Variants in CDH17 observed in about 807,000 individuals in gnomAD.
The protein encoded by CDH17 is cadherin-17.
Under a neutral mutation model 86.3 loss-of-function variants are expected in CDH17, and 67 were observed. That is an observed-to-expected ratio of 0.78 (90% CI 0.64 to 0.95). The LOEUF (loss-of-function observed/expected upper bound fraction) is 0.95. Ranked by LOEUF, CDH17 falls within the 40% of genes least tolerant of loss-of-function variation. The probability of loss-of-function intolerance (pLI) is 0.00; values close to 1 mark genes in which losing one functional copy is unlikely to be tolerated. For synonymous variants in CDH17, 367 were observed against 366.4 expected, an observed-to-expected ratio of 1.00 and a Z score of -0.02; for missense variants, 993 against 1,017.6, an observed-to-expected ratio of 0.98 and a Z score of 0.33.
At chr8:94,169,867 G>T (rs1177489325) in intron 9 of CDH17, among the ~76,000 whole-genome samples, 1 of 152,172 alleles carries the variant, frequency 6.6e-6, no homozygotes, top group Non-Finnish European at 1.5e-5. Context: ...GATGGGATTT[G>T]ACTTCATCTA....
At chr8:94,205,259 G>A (rs1814003332) in intron 1 of CDH17, among the ~76,000 whole-genome samples, 1 of 130,488 alleles carries the variant, frequency 7.7e-6, no homozygotes, top group African/African-American at 2.6e-5. Flanking sequence ...TTCTCATAAA[G>A]GGTGGCTTGA....
At chr8:94,199,074 TATATA>T (rs1563589545) in intron 1 of CDH17, among the ~76,000 whole-genome samples, 17 of 20,734 alleles carry the variant, frequency 8.2e-4, no homozygotes, top group Admixed American at 1.3e-3. Flanking sequence ...TATATATATA[TATATA>T]TATATTTTTT....
chr8:94,127,362 A>C lies in CDH17; in HGVS notation c.*878T>G, dbSNP rs1315356571. On this transcript the variant is annotated 3_prime_UTR_variant, in exon 18 of 18. Coordinates refer to ENST00000027335, the MANE Select transcript of CDH17 (RefSeq NM_004063.4). The stretch of plus-strand genomic sequence containing the variant: ...GACTGGTTCCTTTACCAAGGTTTGC[A>C]GAGTAGGTTGTGTTTGAACACCTTC... 1.3e-5 allele frequency: 2 copies of C among 152,268 alleles called. No homozygotes were observed. Among genetic ancestry groups the C allele is most frequent in the Admixed American group, 1.3e-4 (2 of 15,292 alleles). 9.4% of individuals were successfully genotyped at this position (152,268 alleles called of 1,614,324 possible).
At chr8:94,169,934 G>A (rs1373394612) in intron 9 of CDH17, among the ~76,000 whole-genome samples, 1 of 152,168 alleles carries the variant, frequency 6.6e-6, no homozygotes, top group Non-Finnish European at 1.5e-5. Flanking sequence ...AGGGTCAAAA[G>A]TCAACTTCCA....
Position 94,176,664 on chromosome 8 carries a change from C to T in CDH17, c.301G>A (p.Ala101Thr), listed in dbSNP as rs201617285. Residue 101 changes from alanine (A) to threonine (T), a missense_variant, in exon 5 of 18, where the codon GCT becomes ACT. Physicochemically the swap from Ala to Thr is moderately conservative, Grantham distance 58. Coordinates refer to ENST00000027335, the MANE Select transcript of CDH17 (RefSeq NM_004063.4). ...GGACCCTCCACTATAATTCCATTAG[C>T]GTCCAGGGCTGCAACCTGATGTTGA... ...THNLQVAALD[A>T]NGIIVEGPVP... The T allele has an allele frequency of 7.4e-6, 12 of 1,612,868 alleles. No individual in the cohort carries two copies. Among genetic ancestry groups the T allele is most frequent in the South Asian group, 1.1e-5 (1 of 90,848 alleles).
At chr8:94,128,424 G>T in intron 17 of CDH17, 84 bp from the exon 18 acceptor site, 1 of 831,686 alleles carries the variant, frequency 1.2e-6, no homozygotes. Flanking sequence ...ATTGTGGTAG[G>T]AAAAAAATGA....
chr8:94,133,267 T>G (rs1812455609), intron 15 of CDH17, among the ~76,000 whole-genome samples: 1 of 152,210 alleles, frequency 6.6e-6, no homozygotes. Context: ...TATGGCCATT[T>G]TCACGACATT....
At chr8:94,173,055 C>G (rs1172964990) in intron 7 of CDH17, among the ~76,000 whole-genome samples, 2 of 152,182 alleles carry the variant, frequency 1.3e-5, no homozygotes, top group Non-Finnish European at 2.9e-5. Flanking sequence ...CATGTCCATA[C>G]ATAGTGCACC....
At chr8:94,209,004 C>T (rs558006746), upstream of CDH17, among the ~76,000 whole-genome samples, 178 of 152,228 alleles carry the variant, frequency 1.2e-3, 1 homozygote, top group Admixed American at 3.3e-3. Flanking sequence ...TCATTGATAA[C>T]CAGCCACATG....
At chr8:94,148,478 G>T (rs954877554) in intron 14 of CDH17, among the ~76,000 whole-genome samples, 2 of 140,844 alleles carry the variant, frequency 1.4e-5, no homozygotes, top group Non-Finnish European at 3.0e-5. Flanking sequence ...GGAGGTGGAG[G>T]TTGCAGTGAG....
At chr8:94,188,440 C>T (rs1049886429) in intron 3 of CDH17, among the ~76,000 whole-genome samples, 3 of 152,162 alleles carry the variant, frequency 2.0e-5, no homozygotes, top group Non-Finnish European at 4.4e-5. Flanking sequence ...TCTGCCACTT[C>T]CCTGGTTCAG....
intron 17 of CDH17, among the ~76,000 whole-genome samples, chr8:94,128,640 A>G (rs1812350038): frequency 1.3e-5 from 2 of 152,208 alleles, no homozygotes; most frequent in East Asian, 1.9e-4. Context: ...TATGGAGTGT[A>G]TATGTCCCAC....
chr8:94,181,838 A>G (rs1217947615), intron 3 of CDH17, among the ~76,000 whole-genome samples: 1 of 152,066 alleles, frequency 6.6e-6, no homozygotes, highest in African/African-American at 2.4e-5. Flanking sequence ...AGAAAAGTCA[A>G]CAAAACCAGA....
chr8:94,205,983 C>T (rs1031980412), intron 1 of CDH17, among the ~76,000 whole-genome samples: 1 of 152,034 alleles, frequency 6.6e-6, no homozygotes, highest in Non-Finnish European at 1.5e-5. Context: ...TCTCCTCATC[C>T]GTCACTTAAG....
At chr8:94,141,704 A>G (rs1451637786) in intron 15 of CDH17, among the ~76,000 whole-genome samples, 1 of 152,174 alleles carries the variant, frequency 6.6e-6, no homozygotes, top group African/African-American at 2.4e-5. Context: ...ACTGAAAACT[A>G]AAACACATTG....
At chr8:94,210,233 A>G (rs1456283905), upstream of CDH17, among the ~76,000 whole-genome samples, 1 of 146,904 alleles carries the variant, frequency 6.8e-6, no homozygotes, top group Non-Finnish European at 1.5e-5. Context: ...GAGTAAAAAA[A>G]AAAAAAAAAA....
At chr8:94,192,466 A>G (rs143969740) in intron 2 of CDH17, among the ~76,000 whole-genome samples, 2 of 152,306 alleles carry the variant, frequency 1.3e-5, no homozygotes, top group African/African-American at 2.4e-5. Flanking sequence ...CTTCTGACCA[A>G]TGCTATGAAG....
chr8:94,146,134 T>C lies in CDH17; in HGVS notation c.1961A>G (p.His654Arg), dbSNP rs543620134. Reference protein sequence around the residue: ...GSSLSSVSEFHLILMDVNDNP... With the variant: ...GSSLSSVSEFRLILMDVNDNP... ...GTCATTCACATCCATAAGGATCAGG[T>C]GGAACTCTGACACAGAGCTCAAGGA... Residue 654 changes from histidine (H) to arginine (R), a missense_variant, in exon 15 of 18, where the codon CAC (histidine) becomes CGC (arginine). His to Arg is a conservative substitution (Grantham distance 29, BLOSUM62 0). Transcript: ENST00000027335. The C allele has an allele frequency of 2.0e-5, 32 of 1,600,840 alleles. No homozygotes were observed. Among genetic ancestry groups the C allele is most frequent in the Non-Finnish European group, 2.6e-5 (31 of 1,173,422 alleles).
intron 9 of CDH17, 101 bp downstream of exon 9, chr8:94,170,296 T>C: frequency 3.3e-6 from 4 of 1,216,096 alleles, no homozygotes; most frequent in Non-Finnish European, 4.7e-6. Flanking sequence ...GTGGAAGACA[T>C]GGATTACTGA....
Sources: allele counts gnomAD v4.1 joint callset (sites outside exome capture counted in the v4.1 genomes callset), GRCh38; gene constraint gnomAD v4.1.1; transcripts MANE v1.5; gene names NCBI Gene and HGNC (gene_info 2026-07-23, HGNC 2026-07-21).